The following KAZN variants were observed in gnomAD, a reference collection of about 807,000 sequenced individuals.
The protein encoded by KAZN is kazrin, periplakin interacting protein.
In KAZN, 40 loss-of-function variants were observed where a neutral mutation model predicts 87.4. The ratio of observed to expected loss-of-function variants is 0.46; its 90% CI spans 0.36 to 0.60. KAZN has a LOEUF of 0.60. Among genes scored for constraint, KAZN ranks in the 20% least tolerant of loss-of-function variants. The probability of loss-of-function intolerance (pLI) is 0.00; values close to 1 mark genes in which losing one functional copy is unlikely to be tolerated. For missense variants in KAZN, 898 were observed against 1,073.9 expected, an observed-to-expected ratio of 0.84 and a Z score of 2.29; for synonymous variants, 466 against 458.3, an observed-to-expected ratio of 1.02 and a Z score of -0.22.
chr1:14,503,077 TG>T (rs1323826425), intron 2 of KAZN, among the ~76,000 whole-genome samples: 1 of 152,096 alleles, frequency 6.6e-6, no homozygotes, highest in Non-Finnish European at 1.5e-5. Context: ...AGGTGGAATA[TG>T]GGCGGTTCAC....
intron 2 of KAZN, among the ~76,000 whole-genome samples, chr1:14,588,759 G>T (rs1571994596): frequency 1.3e-5 from 2 of 152,208 alleles, no homozygotes; most frequent in Admixed American, 6.5e-5. Flanking sequence ...TGCCTAGAAG[G>T]TATCAAGCTC....
chr1:14,479,274 A>G (rs969141516), intron 2 of KAZN, among the ~76,000 whole-genome samples: 3 of 152,176 alleles, frequency 2.0e-5, no homozygotes, highest in African/African-American at 7.2e-5. Context: ...CTTAAATCAG[A>G]CATGGGCTAA....
chr1:14,162,312 T>C (rs1645726147), intron 1 of KAZN, among the ~76,000 whole-genome samples: 1 of 152,192 alleles, frequency 6.6e-6, no homozygotes, highest in Admixed American at 6.5e-5. Flanking sequence ...ATAGTGAGTA[T>C]ACTATAAATA....
chr1:14,649,643 C>G (rs895065787), intron 1 of KAZN, among the ~76,000 whole-genome samples: 2 of 152,092 alleles, frequency 1.3e-5, no homozygotes, highest in Admixed American at 1.3e-4. Context: ...TGAAACAGAC[C>G]AAATGTCAAG....
At chr1:14,403,271 T>C (rs1246110034) in intron 2 of KAZN, among the ~76,000 whole-genome samples, 2 of 152,160 alleles carry the variant, frequency 1.3e-5, no homozygotes, top group Non-Finnish European at 2.9e-5. Context: ...CTTCACACCA[T>C]ACTCAAAAAT....
chr1:14,951,160 G>A (rs1662433661), intron 1 of KAZN, among the ~76,000 whole-genome samples: 1 of 152,154 alleles, frequency 6.6e-6, no homozygotes, highest in Non-Finnish European at 1.5e-5. Context: ...TTCAAGATCA[G>A]AGCAAAGATG....
chr1:13,977,070 C>T (rs74520115), intron 1 of KAZN, among the ~76,000 whole-genome samples: 1 of 152,176 alleles, frequency 6.6e-6, no homozygotes, highest in Non-Finnish European at 1.5e-5. Context: ...CTGTTGAATA[C>T]AGGTTGGTTC....
intron 1 of KAZN, among the ~76,000 whole-genome samples, chr1:14,718,213 C>T (rs1361231766): frequency 6.6e-6 from 1 of 152,230 alleles, no homozygotes; most frequent in African/African-American, 2.4e-5. Context: ...TTCTGTTGCT[C>T]TGTAAAGAAA....
At chr1:14,282,715 C>T (rs1319174974) in intron 2 of KAZN, among the ~76,000 whole-genome samples, 1 of 152,174 alleles carries the variant, frequency 6.6e-6, no homozygotes, top group African/African-American at 2.4e-5. Flanking sequence ...AGCTTGCAGC[C>T]ACCTCCAAAT....
At chr1:14,814,419 T>C (rs573617452) in intron 1 of KAZN, among the ~76,000 whole-genome samples, 23 of 152,300 alleles carry the variant, frequency 1.5e-4, no homozygotes, top group African/African-American at 5.3e-4. Flanking sequence ...TTTCACCATG[T>C]TGGCCAGGCT....
At chr1:14,346,745 A>G (rs1356105055) in intron 2 of KAZN, among the ~76,000 whole-genome samples, 1 of 152,158 alleles carries the variant, frequency 6.6e-6, no homozygotes, top group Admixed American at 6.5e-5. Context: ...CCTATTAGAT[A>G]TAATCATGCA....
intron 1 of KAZN, among the ~76,000 whole-genome samples, chr1:14,831,549 G>A (rs531264116): frequency 3.9e-5 from 6 of 152,248 alleles, no homozygotes; most frequent in East Asian, 3.9e-4. Context: ...GTTTCTCAGC[G>A]GCCTGGCCAG....
intron 1 of KAZN, among the ~76,000 whole-genome samples, chr1:14,881,672 G>C (rs1030653903): frequency 1.3e-5 from 2 of 152,282 alleles, no homozygotes; most frequent in Admixed American, 6.5e-5. Context: ...GTGGGTTCAG[G>C]TACAGGTTCT....
In KAZN at chr1:14,907,778, G is replaced by A. The variant is rs907967585; in HGVS notation, c.227-52906G>A. 9.2e-5 allele frequency among the ~76,000 whole-genome samples: 14 copies of A among 152,136 alleles called. 1 individual carries two copies. The East Asian group carries it at 2.7e-3, about 29-fold the overall frequency. On this transcript the variant is annotated intron_variant, in intron 1 of 14. Coordinates refer to ENST00000376030, the MANE Select transcript of KAZN (RefSeq NM_201628.3). ...GAGCTGTTGAAGGAGCATGATGGGG[G>A]ATGGCAATTGGGGTCTCAGGAAAGG... is the stretch of plus-strand genomic sequence containing the variant.
chr1:14,022,150 G>A (rs974908251), intron 1 of KAZN, among the ~76,000 whole-genome samples: 1 of 151,916 alleles, frequency 6.6e-6, no homozygotes, highest in Non-Finnish European at 1.5e-5. Context: ...AGGAGCTTTG[G>A]ATCTGGGGTG....
At chr1:13,985,622 G>T (rs1465231750) in intron 1 of KAZN, among the ~76,000 whole-genome samples, 3 of 150,754 alleles carry the variant, frequency 2.0e-5, no homozygotes, top group Admixed American at 1.3e-4. Context: ...CGAATTTTAG[G>T]ATATTTTTAT....
intron 2 of KAZN, among the ~76,000 whole-genome samples, chr1:14,389,432 G>A (rs970324807): frequency 5.7e-4 from 87 of 152,094 alleles, no homozygotes; most frequent in African/African-American, 1.9e-3. Context: ...AGTCACAATA[G>A]TCAAGGTTTG....
At chr1:14,440,416 G>C (rs971100297) in intron 2 of KAZN, among the ~76,000 whole-genome samples, 1 of 152,154 alleles carries the variant, frequency 6.6e-6, no homozygotes, top group African/African-American at 2.4e-5. Flanking sequence ...GGCGTGTTCT[G>C]CTCTCTTCCG....
chr1:14,629,630 G>T (rs1679415719), intron 1 of KAZN, among the ~76,000 whole-genome samples: 1 of 152,106 alleles, frequency 6.6e-6, no homozygotes, highest in African/African-American at 2.4e-5. Context: ...TCCAGGGCTC[G>T]TTGCTTCCTT....
Sources: gnomAD v4.1 joint callset for allele counts (sites outside exome capture counted in the v4.1 genomes callset) on GRCh38, gnomAD v4.1.1 for gene constraint, MANE v1.5 for transcripts, NCBI Gene and HGNC (gene_info 2026-07-23, HGNC 2026-07-21) for gene names.